The following PIK3R3 variants were observed in gnomAD, a reference collection of about 807,000 sequenced individuals.
The protein encoded by PIK3R3 is phosphoinositide-3-kinase regulatory subunit 3, also known as phosphatidylinositol 3-kinase regulatory subunit gamma.
Under a neutral mutation model 62.9 loss-of-function variants are expected in PIK3R3, and 64 were observed. The ratio of observed to expected loss-of-function variants is 1.02; its 90% CI spans 0.83 to 1.25. The LOEUF (loss-of-function observed/expected upper bound fraction) is 1.25. Among genes scored for constraint, PIK3R3 ranks in the 50% most tolerant of loss-of-function variants. PIK3R3 has a pLI of 0.00. For synonymous variants in PIK3R3, 165 were observed against 189.0 expected, an observed-to-expected ratio of 0.87 and a Z score of 1.04; for missense variants, 614 against 561.6, an observed-to-expected ratio of 1.09 and a Z score of -0.94.
intron 1 of PIK3R3, among the ~76,000 whole-genome samples, chr1:46,130,492 G>C (rs1298603069): frequency 6.6e-6 from 1 of 151,818 alleles, no homozygotes; most frequent in Non-Finnish European, 1.5e-5. Context: ...AAAATTCTAA[G>C]TGATCATCAA....
chr1:46,131,750 G>T, intron 1 of PIK3R3, 97 bp downstream of exon 1: 1 of 1,151,754 alleles, frequency 8.7e-7, no homozygotes, highest in Non-Finnish European at 1.3e-6. Flanking sequence ...CGAACCTAGC[G>T]CACCCAGGAA....
intron 5 of PIK3R3, among the ~76,000 whole-genome samples, chr1:46,062,638 T>C (rs974343738): frequency 6.6e-6 from 1 of 152,204 alleles, no homozygotes; most frequent in Non-Finnish European, 1.5e-5. Flanking sequence ...TTTTGTTCAG[T>C]TTGCTTTTTA....
Position 46,131,893 on chromosome 1 carries a change from C to A in PIK3R3, c.60G>T (p.Met20Ile), listed in dbSNP as rs1557642960. The A allele has an allele frequency of 3.1e-6, 5 of 1,613,336 alleles. No individual in the cohort carries two copies. The highest frequency in any genetic ancestry group is 2.7e-5 in the African/African-American group (2 of 74,934). ...AAAATATCAGTTCTGTCGAATAGGGCATCATCACCTCCCTCCAGTCTGCGT... is the reference window on the plus strand; with the variant it reads ...AAAATATCAGTTCTGTCGAATAGGGAATCATCACCTCCCTCCAGTCTGCGT... ...RDDADWREVMMPYSTELIFYI... is the reference protein window; with the variant it reads ...RDDADWREVMIPYSTELIFYI... The change falls in exon 1 of 10, where the codon ATG becomes ATT. Residue 20 changes from methionine to isoleucine, a missense_variant. Transcript: ENST00000262741.
Position 46,103,027 on chromosome 1 carries a change from A to G in PIK3R3, c.107-22277T>C, listed in dbSNP as rs192906623. Among the ~76,000 whole-genome samples the G allele has an allele frequency of 1.3e-4, 20 of 152,322 alleles. No homozygotes were observed. The East Asian group carries it at 2.7e-3, about 21-fold the overall frequency. On this transcript the variant is annotated intron_variant, in intron 1 of 9. Coordinates refer to ENST00000262741, the MANE Select transcript of PIK3R3 (RefSeq NM_003629.4). Reference sequence around the variant, plus strand: ...AAATCCTTTCATATGCTACAATATAACTGAAACTTGAAGACATTATACTGA... The same window carrying G: ...AAATCCTTTCATATGCTACAATATAGCTGAAACTTGAAGACATTATACTGA...
In PIK3R3 at chr1:46,131,953, C is replaced by G. The variant is rs1344403357; in HGVS notation, c.-1G>C. ...CCATACTCCACACCGTATTGTACAT[C>G]GCGCTGTCAGGGGCAGGTCGCCAGG... is the stretch of plus-strand genomic sequence containing the variant. On this transcript the variant is annotated 5_prime_UTR_variant, in exon 1 of 10. Coordinates refer to ENST00000262741, the MANE Select transcript of PIK3R3 (RefSeq NM_003629.4). 1 of 1,613,886 alleles carries G rather than the reference C, an allele frequency of 6.2e-7. No individual in the cohort carries two copies. Among genetic ancestry groups the G allele is most frequent in the Admixed American group, 1.7e-5 (1 of 59,988 alleles).
intron 1 of PIK3R3, among the ~76,000 whole-genome samples, chr1:46,089,450 T>C (rs1651396585): frequency 6.6e-6 from 1 of 152,168 alleles, no homozygotes; most frequent in East Asian, 1.9e-4. Flanking sequence ...GTGTGGTGGC[T>C]CACGCCTGTA....
At position 46,089,999 on chromosome 1, in the gene PIK3R3, G is replaced by C. The variant is rs144904614; in HGVS notation, c.107-9249C>G. On this transcript the variant is annotated intron_variant, in intron 1 of 9. Transcript: ENST00000262741. Reference sequence around the variant, plus strand: ...AGGTAAAACACCAGAAGAAAAGGCCGGAAGAGTTAAGTGTTGCCCCTAGGG... The same window carrying C: ...AGGTAAAACACCAGAAGAAAAGGCCCGAAGAGTTAAGTGTTGCCCCTAGGG... 6.4e-4 allele frequency among the ~76,000 whole-genome samples: 98 copies of C among 152,196 alleles called. 1 individual carries two copies. The highest frequency in any genetic ancestry group is 2.1e-3 in the African/African-American group (89 of 41,538).
chr1:46,104,480 T>C (rs1440733188), intron 1 of PIK3R3, among the ~76,000 whole-genome samples: 2 of 152,186 alleles, frequency 1.3e-5, no homozygotes, highest in Non-Finnish European at 2.9e-5. Context: ...ACCATGTAAA[T>C]CCTATCAGAA....
the PIK3R3 span, among the ~76,000 whole-genome samples, chr1:46,168,727 C>T: frequency 6.6e-6 from 1 of 152,204 alleles, no homozygotes; most frequent in Non-Finnish European, 1.5e-5. Flanking sequence ...ATGATGCTAT[C>T]CCAGCTGGAA....
chr1:46,081,469 A>G (rs1049080029), intron 1 of PIK3R3, among the ~76,000 whole-genome samples: 8 of 152,148 alleles, frequency 5.3e-5, no homozygotes, highest in African/African-American at 1.9e-4. Context: ...TTAGATTCTC[A>G]TAGAAGCACA....
chr1:46,148,120 T>C, the PIK3R3 span, among the ~76,000 whole-genome samples: 1 of 152,238 alleles, frequency 6.6e-6, no homozygotes, highest in Non-Finnish European at 1.5e-5. Flanking sequence ...TCATGGCCTG[T>C]GCTTACCCAC....
chr1:46,103,354 G>A (rs888868746), intron 1 of PIK3R3, among the ~76,000 whole-genome samples: 1 of 152,088 alleles, frequency 6.6e-6, no homozygotes, highest in African/African-American at 2.4e-5. Flanking sequence ...CAGACTGCCT[G>A]AGCTCCAGAG....
At chr1:46,060,863 T>C (rs1217902956) in intron 6 of PIK3R3, among the ~76,000 whole-genome samples, 1 of 152,246 alleles carries the variant, frequency 6.6e-6, no homozygotes, top group African/African-American at 2.4e-5. Flanking sequence ...TGCTTTTCCA[T>C]TGCATATTAA....
chr1:46,043,389 G>T lies in PIK3R3; in HGVS notation c.*284C>A. The T allele has an allele frequency of 2.2e-6, 1 of 449,368 alleles. No individual in the cohort carries two copies. Among genetic ancestry groups the T allele is most frequent in the Non-Finnish European group, 4.1e-6 (1 of 242,350 alleles). 27.8% of individuals were successfully genotyped at this position (449,368 alleles called of 1,614,324 possible). Reference sequence around the variant, plus strand: ...CCATCAAGCCTAATATTCTGTTGAGGGTGTCTGGCTAAACAAAACAAAAAC... The same window carrying T: ...CCATCAAGCCTAATATTCTGTTGAGTGTGTCTGGCTAAACAAAACAAAAAC... On this transcript the variant is annotated 3_prime_UTR_variant, in exon 10 of 10. Coordinates refer to ENST00000262741, the MANE Select transcript of PIK3R3 (RefSeq NM_003629.4).
At chr1:46,069,426 G>T (rs1281211043) in intron 3 of PIK3R3, among the ~76,000 whole-genome samples, 2 of 151,466 alleles carry the variant, frequency 1.3e-5, no homozygotes, top group African/African-American at 4.9e-5. Context: ...GCCTGAGGCA[G>T]AAGAATTGCT....
At chr1:46,107,443 A>AT (rs1343861482) in intron 1 of PIK3R3, among the ~76,000 whole-genome samples, 2 of 151,970 alleles carry the variant, frequency 1.3e-5, no homozygotes, top group Non-Finnish European at 2.9e-5. Context: ...GAGTACTATT[A>AT]TTTTTTTAAT....
At chr1:46,141,315 G>A in the PIK3R3 span, among the ~76,000 whole-genome samples, 1 of 151,704 alleles carries the variant, frequency 6.6e-6, no homozygotes, top group Non-Finnish European at 1.5e-5. Flanking sequence ...CTGTCACCCA[G>A]GCTGGAGTAC....
intron 1 of PIK3R3, among the ~76,000 whole-genome samples, chr1:46,122,748 C>T (rs1398044393): frequency 6.6e-6 from 1 of 152,106 alleles, no homozygotes; most frequent in Non-Finnish European, 1.5e-5. Flanking sequence ...TTAAGTATTG[C>T]ATTTTTTTTC....
chr1:46,133,243 C>A (rs978203014), upstream of PIK3R3, among the ~76,000 whole-genome samples: 9 of 152,354 alleles, frequency 5.9e-5, no homozygotes, highest in Non-Finnish European at 1.2e-4. Context: ...AGGAAGAAAA[C>A]GCAAACGGCG....
Sources: gnomAD v4.1 joint callset for allele counts (sites outside exome capture counted in the v4.1 genomes callset) on GRCh38, gnomAD v4.1.1 for gene constraint, MANE v1.5 for transcripts, NCBI Gene and HGNC (gene_info 2026-07-23, HGNC 2026-07-21) for gene names.